TFDP2: variants seen among roughly 807,000 people sequenced by gnomAD.
TFDP2 encodes transcription factor Dp-2, also known as transcription factor Dp-2 (E2F dimerization partner 2).
In TFDP2, 17 loss-of-function variants were observed where a neutral mutation model predicts 59.3. That is an observed-to-expected ratio of 0.29 (90% CI 0.20 to 0.43). The LOEUF is 0.43. TFDP2 is among the 20% of genes least tolerant of loss of function. TFDP2 has a pLI of 1.00. For missense variants in TFDP2, 391 were observed against 528.8 expected, an observed-to-expected ratio of 0.74 and a Z score of 2.56; for synonymous variants, 180 against 194.7, an observed-to-expected ratio of 0.92 and a Z score of 0.63.
chr3:142,043,524 C>A, intron 3 of TFDP2: 3 of 552,226 alleles, frequency 5.4e-6, no homozygotes, highest in Admixed American at 2.9e-5. Flanking sequence ...CCACCACACT[C>A]GGCTAATTTA....
chr3:142,060,486 C>T (rs931994780), intron 3 of TFDP2, among the ~76,000 whole-genome samples: 1 of 152,212 alleles, frequency 6.6e-6, no homozygotes, highest in South Asian at 2.1e-4. Flanking sequence ...TCCTGTGAGA[C>T]AGGCACTATG....
chr3:142,078,841 T>C (rs1458786272), intron 3 of TFDP2, among the ~76,000 whole-genome samples: 3 of 152,148 alleles, frequency 2.0e-5, no homozygotes, highest in Non-Finnish European at 4.4e-5. Flanking sequence ...AAAAGAGGTA[T>C]GTGACCTTTC....
chr3:141,996,607 C>T (rs1441373111), intron 4 of TFDP2, among the ~76,000 whole-genome samples: 1 of 152,166 alleles, frequency 6.6e-6, no homozygotes, highest in Non-Finnish European at 1.5e-5. Context: ...TAACTTGCTC[C>T]ATACATAACT....
intron 3 of TFDP2, among the ~76,000 whole-genome samples, chr3:142,036,598 A>G (rs1946706213): frequency 6.6e-6 from 1 of 152,172 alleles, no homozygotes; most frequent in Admixed American, 6.5e-5. Flanking sequence ...AGTAGACAGC[A>G]TGCACTCAAT....
chr3:142,067,256 T>C (rs1253540111), intron 3 of TFDP2, among the ~76,000 whole-genome samples: 3 of 152,146 alleles, frequency 2.0e-5, no homozygotes, highest in Non-Finnish European at 4.4e-5. Context: ...CTGCAACTGA[T>C]AAGCAATGAC....
intron 1 of TFDP2, among the ~76,000 whole-genome samples, chr3:142,110,815 T>C (rs553591167): frequency 7.2e-5 from 11 of 152,012 alleles, no homozygotes; most frequent in Non-Finnish European, 1.3e-4. Flanking sequence ...TCACCAGGCA[T>C]GGTGGCACAC....
chr3:141,957,536 C>T (rs1472021990), intron 11 of TFDP2, among the ~76,000 whole-genome samples: 5 of 151,976 alleles, frequency 3.3e-5, no homozygotes, highest in Non-Finnish European at 7.4e-5. Context: ...CAGCATCATT[C>T]GAGATAGCCA....
chr3:142,063,835 T>A (rs1319750057), intron 3 of TFDP2, among the ~76,000 whole-genome samples: 1 of 150,522 alleles, frequency 6.6e-6, no homozygotes, highest in Non-Finnish European at 1.5e-5. Context: ...AGCAGGTACT[T>A]AAAAAAAAAA....
chr3:142,024,921 G>A (rs1186217040), intron 3 of TFDP2, among the ~76,000 whole-genome samples: 5 of 152,008 alleles, frequency 3.3e-5, no homozygotes, highest in Non-Finnish European at 5.9e-5. Context: ...TCGGGAGGCT[G>A]AGGCAGGAGA....
chr3:141,950,753 A>T lies in TFDP2; in HGVS notation c.*1760T>A, dbSNP rs775125467. 1 of 152,534 alleles carries T rather than the reference A, an allele frequency of 6.6e-6. No homozygotes were observed. Among genetic ancestry groups the T allele is most frequent in the African/African-American group, 2.4e-5 (1 of 41,396 alleles). 9.4% of individuals were successfully genotyped at this position (152,534 alleles called of 1,614,324 possible). On this transcript the variant is annotated 3_prime_UTR_variant, in exon 13 of 13. Transcript: ENST00000489671. ...AAATCCCAATCCGTGCAGCTGAAAGATTCCCTGCAGGCCCCTGGGGACCTG... is the reference window on the plus strand; with the variant it reads ...AAATCCCAATCCGTGCAGCTGAAAGTTTCCCTGCAGGCCCCTGGGGACCTG...
At chr3:142,101,527 A>G (rs1033233102) in intron 2 of TFDP2, among the ~76,000 whole-genome samples, 1 of 152,188 alleles carries the variant, frequency 6.6e-6, no homozygotes, top group African/African-American at 2.4e-5. Context: ...ACTTGGTGCC[A>G]ATTTGCAAGA....
intron 3 of TFDP2, among the ~76,000 whole-genome samples, chr3:142,077,410 A>C (rs73232681): frequency 0.21 from 32,316 of 151,908 alleles, 3,502 homozygotes; most frequent in East Asian, 0.27. Context: ...CTCCAACCTG[A>C]AAAAGACACT....
intron 1 of TFDP2, among the ~76,000 whole-genome samples, chr3:142,122,501 A>G (rs960005228): frequency 6.6e-6 from 1 of 152,182 alleles, no homozygotes; most frequent in Non-Finnish European, 1.5e-5. Context: ...GTTTCCTGGG[A>G]AGTGCTCTGG....
chr3:141,972,302 G>A (rs184745583), intron 8 of TFDP2, among the ~76,000 whole-genome samples: 84 of 152,230 alleles, frequency 5.5e-4, no homozygotes, highest in African/African-American at 1.8e-3. Context: ...GGCCGCTGCC[G>A]TAACTCAGAC....
chr3:142,036,538 TC>T (rs1440856278), intron 3 of TFDP2, among the ~76,000 whole-genome samples: 8 of 152,200 alleles, frequency 5.3e-5, no homozygotes, highest in African/African-American at 1.9e-4. Context: ...TTTTTGGCTC[TC>T]CAGCCCTCCT....
chr3:142,076,533 T>C lies in TFDP2; in HGVS notation c.82+16528A>G, dbSNP rs528572572. Among the ~76,000 whole-genome samples, 12 of 147,458 alleles carry C rather than the reference T, an allele frequency of 8.1e-5. No individual in the cohort carries two copies. The East Asian group carries it at 1.5e-3, about 19-fold the overall frequency. On this transcript the variant is annotated intron_variant, in intron 3 of 12. Coordinates refer to ENST00000489671, the MANE Select transcript of TFDP2 (RefSeq NM_001178139.2). Reference sequence around the variant, plus strand: ...AGGCAAGATGAAAAAAAATGAAACATAGAAATAATGTGATAGTGGTTTCAA... The same window carrying C: ...AGGCAAGATGAAAAAAAATGAAACACAGAAATAATGTGATAGTGGTTTCAA...
At chr3:142,116,960 T>TGCCCAG (rs1409109678) in intron 1 of TFDP2, among the ~76,000 whole-genome samples, 3 of 152,028 alleles carry the variant, frequency 2.0e-5, no homozygotes, top group Non-Finnish European at 2.9e-5. Context: ...CTCGTTCTGT[T>TGCCCAG]GCCCAGGCTG....
chr3:142,046,320 C>A (rs1947345365), intron 3 of TFDP2, among the ~76,000 whole-genome samples: 1 of 152,150 alleles, frequency 6.6e-6, no homozygotes, highest in Non-Finnish European at 1.5e-5. Flanking sequence ...TTGTAAATAT[C>A]TGAAATTTTC....
chr3:142,113,253 T>TATTTATTTATTTATTTATTTATTTA (rs142413325), intron 1 of TFDP2, among the ~76,000 whole-genome samples: 3 of 152,010 alleles, frequency 2.0e-5, no homozygotes, highest in Non-Finnish European at 4.4e-5. Context: ...GACATTTATT[T>TATTTATTTATTTATTTATTTATTTA]TTTATTTATT....
Sources: gnomAD v4.1 joint callset for allele counts (sites outside exome capture counted in the v4.1 genomes callset) on GRCh38, gnomAD v4.1.1 for gene constraint, MANE v1.5 for transcripts, NCBI Gene and HGNC (gene_info 2026-07-23, HGNC 2026-07-21) for gene names.